DSG4: variants seen among roughly 807,000 people sequenced by gnomAD.
DSG4 encodes desmoglein 4.
In DSG4, 87 loss-of-function variants were observed where a neutral mutation model predicts 93.1. That is an observed-to-expected ratio of 0.93 (90% CI 0.79 to 1.12). The LOEUF (loss-of-function observed/expected upper bound fraction) is 1.12, where lower values mean the gene tolerates loss of function less well. DSG4 is among the 50% of genes most tolerant of loss of function. The pLI, the probability that DSG4 is intolerant of heterozygous loss-of-function variation, is 0.00. For missense variants in DSG4, 1,373 were observed against 1,285.7 expected (o/e 1.07, Z -1.04); for synonymous variants, 432 against 452.9 (o/e 0.95, Z 0.59).
In DSG4 at chr18:31,413,361, C is replaced by A; in HGVS notation, c.2889C>A (p.Ile963=). Residue 963 remains isoleucine, a synonymous_variant, in exon 16 of 16, where the codon ATC becomes ATA. Transcript: ENST00000308128. ...AGTTAGCAGATTACAACAATGTAAT[C>A]TATGCTGAGAGAGTACTGGCTAGTC... ...PAELADYNNV[I]YAERVLASPG... 6.2e-7 allele frequency: 1 copy of A among 1,614,146 alleles called. No individual in the cohort carries two copies. Among genetic ancestry groups the A allele is most frequent in the Non-Finnish European group, 8.5e-7 (1 of 1,180,026 alleles).
At chr18:31,394,176 G>A (rs909545497) in intron 8 of DSG4, among the ~76,000 whole-genome samples, 3 of 152,174 alleles carry the variant, frequency 2.0e-5, no homozygotes, top group African/African-American at 7.2e-5. Flanking sequence ...TAGAAACTCT[G>A]TATGATATGA....
chr18:31,391,117 C>A lies in DSG4; in HGVS notation c.724C>A (p.Arg242=). The A allele has an allele frequency of 6.2e-7, 1 of 1,613,654 alleles. No individual in the cohort carries two copies. Among genetic ancestry groups the A allele is most frequent in the Non-Finnish European group, 8.5e-7 (1 of 1,179,746 alleles). ...CAACCTGGTTGTGAGAGGCTCAGAT[C>A]GGGATGGAGCTGCAGATGGACTGTC... The part of the protein sequence containing the change: ...MYNLVVRGSD[R]DGAADGLSSE... Residue 242 remains arginine, a synonymous_variant, in exon 7 of 16, where the codon CGG becomes AGG. Transcript: ENST00000308128.
intron 3 of DSG4, among the ~76,000 whole-genome samples, chr18:31,387,896 A>G (rs978499232): frequency 6.6e-6 from 1 of 152,184 alleles, no homozygotes; most frequent in Non-Finnish European, 1.5e-5. Context: ...TTACATTTAT[A>G]AAATTATTAC....
intron 15 of DSG4, 41 bp downstream of exon 15, chr18:31,411,489 G>A (rs2144220627): frequency 6.3e-7 from 1 of 1,599,576 alleles, no homozygotes; most frequent in East Asian, 2.2e-5. Flanking sequence ...TCTTGAGATT[G>A]AATAATAATA....
chr18:31,409,147 C>T lies in DSG4; in HGVS notation c.1934-305C>T, dbSNP rs1260684251. On this transcript the variant is annotated intron_variant, in intron 12 of 15. Coordinates refer to ENST00000308128, the MANE Select transcript of DSG4 (RefSeq NM_177986.5). ...ACATGTATGTGTGCATCTGCCCCAACCAGTTCAAGAGTCTTAGACTAAAGA... is the reference window on the plus strand; with the variant it reads ...ACATGTATGTGTGCATCTGCCCCAATCAGTTCAAGAGTCTTAGACTAAAGA... Among the ~76,000 whole-genome samples the T allele has an allele frequency of 5.9e-5, 9 of 152,262 alleles. No homozygotes were observed. The East Asian group carries it at 1.5e-3, about 26-fold the overall frequency.
Position 31,378,627 on chromosome 18 carries a change from C to T in DSG4, c.48+1668C>T, listed in dbSNP as rs139043799. Among the ~76,000 whole-genome samples the T allele has an allele frequency of 1.6e-3, 242 of 152,228 alleles. 1 individual carries two copies. Among genetic ancestry groups the T allele is most frequent in the African/African-American group, 5.7e-3 (238 of 41,544 alleles). ...CGTTTTTAATACTTAATTCCTCCTA[C>T]TCCTCATTGATATTGAAGTCTTTGT... On this transcript the variant is annotated intron_variant, in intron 1 of 15. Transcript: ENST00000308128.
chr18:31,394,394 A>G (rs1352076310), intron 8 of DSG4, among the ~76,000 whole-genome samples: 2 of 152,166 alleles, frequency 1.3e-5, no homozygotes, highest in African/African-American at 4.8e-5. Flanking sequence ...CCTGACCAAC[A>G]TGGAGAAACC....
In DSG4 at chr18:31,386,692, A is replaced by G. The variant is rs1371831186; in HGVS notation, c.89A>G (p.Lys30Arg). 2 of 1,613,138 alleles carry G rather than the reference A, an allele frequency of 1.2e-6. No homozygotes were observed. Among genetic ancestry groups the G allele is most frequent in the East Asian group, 2.2e-5 (1 of 44,866 alleles). ...EVNSEFIVEV[K>R]EFDIENGTTK... is the part of the protein sequence containing the mutation. The stretch of plus-strand genomic sequence containing the variant: ...CCTGAACCATTTTTGCTTAAGGTGA[A>G]GGAATTTGACATTGAAAATGGCACT... The change falls in exon 3 of 16, where the codon AAG (lysine) becomes AGG (arginine). Residue 30 changes from lysine to arginine, a missense_variant. By Grantham distance (26) the Lys-to-Arg change is conservative. Coordinates refer to ENST00000308128, the MANE Select transcript of DSG4 (RefSeq NM_177986.5).
chr18:31,389,517 T>C (rs981324717), intron 5 of DSG4, among the ~76,000 whole-genome samples: 1 of 152,156 alleles, frequency 6.6e-6, no homozygotes, highest in Non-Finnish European at 1.5e-5. Flanking sequence ...TTTCTTTCCA[T>C]TCCACTTAAT....
At chr18:31,388,832 TC>T in intron 4 of DSG4, 41 bp from the exon 5 acceptor site, 1 of 1,613,074 alleles carries the variant, frequency 6.2e-7, no homozygotes, top group East Asian at 2.2e-5. Flanking sequence ...TTACTAAAAT[TC>T]CTTTGGTGGA....
chr18:31,399,240 G>C (rs2072337326), intron 8 of DSG4, 32 bp from the exon 9 acceptor site: 4 of 1,613,148 alleles, frequency 2.5e-6, no homozygotes, highest in Non-Finnish European at 3.4e-6. Context: ...GTTCTTTGCT[G>C]TTTCAGAGTT....
At chr18:31,407,617 G>C (rs537350020) in intron 12 of DSG4, among the ~76,000 whole-genome samples, 1 of 152,268 alleles carries the variant, frequency 6.6e-6, no homozygotes, top group East Asian at 1.9e-4. Flanking sequence ...CTGTTTTCAG[G>C]GATGAGCACT....
intron 1 of DSG4, among the ~76,000 whole-genome samples, chr18:31,381,053 G>T (rs370025631): frequency 6.6e-6 from 1 of 152,128 alleles, no homozygotes; most frequent in Non-Finnish European, 1.5e-5. Flanking sequence ...ATTACAGGTC[G>T]AAACTTGTCT....
chr18:31,391,995 A>T (rs946185276), intron 7 of DSG4, among the ~76,000 whole-genome samples, 160 bp from the exon 8 acceptor site: 4 of 152,188 alleles, frequency 2.6e-5, no homozygotes, highest in Non-Finnish European at 4.4e-5. Context: ...TCTTATAATC[A>T]TTTTATTCTT....
At chr18:31,391,515 A>T (rs1225376924) in intron 7 of DSG4, among the ~76,000 whole-genome samples, 1 of 152,178 alleles carries the variant, frequency 6.6e-6, no homozygotes, top group African/African-American at 2.4e-5. Flanking sequence ...ACATAGCAAC[A>T]TTAATGTTTT....
chr18:31,386,566 T>C (rs752039932), intron 2 of DSG4, 122 bp from the exon 3 acceptor site: 2 of 1,446,424 alleles, frequency 1.4e-6, no homozygotes, highest in Non-Finnish European at 1.9e-6. Flanking sequence ...GTGAAAACAT[T>C]CTCTGTTCTT....
At chr18:31,388,571 T>C (rs1293717990) in intron 4 of DSG4, 49 bp downstream of exon 4, 1 of 1,605,650 alleles carries the variant, frequency 6.2e-7, no homozygotes, top group Non-Finnish European at 8.5e-7. Context: ...TTTTCTTCCC[T>C]TTTTCAAAAA....
intron 7 of DSG4, among the ~76,000 whole-genome samples, chr18:31,391,756 C>A (rs2072252525): frequency 6.6e-6 from 1 of 152,032 alleles, no homozygotes; most frequent in Non-Finnish European, 1.5e-5. Context: ...GGGCTTTGTG[C>A]TGCAACAGCA....
At chr18:31,412,630 A>C (rs182321147) in intron 15 of DSG4, among the ~76,000 whole-genome samples, 198 bp from the exon 16 acceptor site, 1 of 152,230 alleles carries the variant, frequency 6.6e-6, no homozygotes, top group African/African-American at 2.4e-5. Context: ...ATTGTAAACT[A>C]TATCTTAAAA....
Sources: gnomAD v4.1 joint callset for allele counts (sites outside exome capture counted in the v4.1 genomes callset) on GRCh38, gnomAD v4.1.1 for gene constraint, MANE v1.5 for transcripts, NCBI Gene and HGNC (gene_info 2026-07-23, HGNC 2026-07-21) for gene names.